Variants in PRSS23 observed in about 807,000 individuals in gnomAD.
PRSS23 encodes serine protease 23.
A neutral mutation model predicts 34.7 loss-of-function variants in PRSS23; 25 were observed. The ratio of observed to expected loss-of-function variants is 0.72; its 90% CI spans 0.53 to 1.01. The LOEUF (loss-of-function observed/expected upper bound fraction) is 1.01, where lower values mean the gene tolerates loss of function less well. Among genes scored for constraint, PRSS23 ranks in the 50% least tolerant of loss-of-function variants. The pLI, the probability that PRSS23 is intolerant of heterozygous loss-of-function variation, is 0.00. For missense variants in PRSS23, 445 were observed against 475.6 expected (o/e 0.94, Z 0.60); for synonymous variants, 176 against 186.6 (o/e 0.94, Z 0.46).
chr11:86,836,640 C>T (rs1237379097), intron 2 of PRSS23, among the ~76,000 whole-genome samples: 1 of 152,032 alleles, frequency 6.6e-6, no homozygotes, highest in Non-Finnish European at 1.5e-5. Flanking sequence ...ACTGGCTGTC[C>T]CAGGACCCCT....
At chr11:86,870,979 T>C (rs1485510376) in intron 2 of PRSS23, among the ~76,000 whole-genome samples, 1 of 152,236 alleles carries the variant, frequency 6.6e-6, no homozygotes, top group Admixed American at 6.5e-5. Context: ...ATCCATGTCA[T>C]CTCTGGGACT....
At chr11:86,799,509 C>T (rs73520713), upstream of PRSS23, among the ~76,000 whole-genome samples, 2,067 of 152,296 alleles carry the variant, frequency 0.014, 45 homozygotes, top group African/African-American at 0.047. Context: ...TCCAAACCTC[C>T]TGTTCCTTAT....
intron 2 of PRSS23, among the ~76,000 whole-genome samples, chr11:86,826,267 G>T (rs2134880994): frequency 6.7e-6 from 1 of 149,876 alleles, no homozygotes; most frequent in Admixed American, 6.6e-5. Context: ...TCACTCATGA[G>T]TTCACTCATG....
chr11:86,860,450 G>C (rs979555831), intron 2 of PRSS23, among the ~76,000 whole-genome samples: 1 of 151,262 alleles, frequency 6.6e-6, no homozygotes, highest in African/African-American at 2.4e-5. Flanking sequence ...CACTGCCCCT[G>C]TGATATTGTT....
chr11:86,832,228 A>G (rs1237468605), intron 2 of PRSS23, among the ~76,000 whole-genome samples: 1 of 152,098 alleles, frequency 6.6e-6, no homozygotes, highest in Admixed American at 6.5e-5. Flanking sequence ...GGTGTACCAC[A>G]TGTGTGAACA....
At chr11:86,838,131 A>G (rs1278018249) in intron 2 of PRSS23, among the ~76,000 whole-genome samples, 1 of 151,478 alleles carries the variant, frequency 6.6e-6, no homozygotes, top group Non-Finnish European at 1.5e-5. Context: ...CATCCAGTAC[A>G]CTTCATGTGT....
upstream of PRSS23, chr11:86,800,318 G>C (rs560850144): frequency 3.2e-3 from 1,306 of 413,020 alleles, 4 homozygotes; most frequent in Non-Finnish European, 3.8e-3. Flanking sequence ...CTGCTGCCGC[G>C]CCACCGGGGC....
At chr11:86,881,758 A>G (rs1948773686) in intron 2 of PRSS23, among the ~76,000 whole-genome samples, 1 of 152,148 alleles carries the variant, frequency 6.6e-6, no homozygotes, top group Non-Finnish European at 1.5e-5. Flanking sequence ...TCTCATTAGT[A>G]ATTCAATCTC....
chr11:86,798,550 G>T (rs1296856417), upstream of PRSS23, among the ~76,000 whole-genome samples: 1 of 152,224 alleles, frequency 6.6e-6, no homozygotes, highest in Non-Finnish European at 1.5e-5. Context: ...TGACGCCTCA[G>T]CTGTCAGTAC....
intron 2 of PRSS23, among the ~76,000 whole-genome samples, chr11:86,890,209 G>T (rs1403901298): frequency 2.0e-5 from 3 of 151,966 alleles, no homozygotes; most frequent in African/African-American, 7.3e-5. Flanking sequence ...GGCGGACATC[G>T]CAGTGAGCTG....
intron 2 of PRSS23, among the ~76,000 whole-genome samples, chr11:86,864,471 C>T (rs1003118672): frequency 1.3e-5 from 2 of 152,192 alleles, no homozygotes; most frequent in Non-Finnish European, 2.9e-5. Flanking sequence ...CCAGTGGTGG[C>T]CAATGACAAT....
At chr11:86,796,513 C>T (rs1484726414), upstream of PRSS23, among the ~76,000 whole-genome samples, 5 of 151,128 alleles carry the variant, frequency 3.3e-5, no homozygotes, top group Non-Finnish European at 7.4e-5. Context: ...TGGTAGCGGG[C>T]GCCTGTAGTC....
At chr11:86,905,481 G>C (rs1001691552) in intron 2 of PRSS23, among the ~76,000 whole-genome samples, 17 of 152,056 alleles carry the variant, frequency 1.1e-4, no homozygotes, top group African/African-American at 4.1e-4. Flanking sequence ...GCCACAAGCA[G>C]ACACAAAATA....
Position 86,856,640 on chromosome 11 carries a change from A to G in PRSS23, c.206+33047A>G, listed in dbSNP as rs577173610. 1.2e-3 allele frequency among the ~76,000 whole-genome samples: 176 copies of G among 152,350 alleles called. 1 individual carries two copies. Among genetic ancestry groups the G allele is most frequent in the African/African-American group, 4.0e-3 (167 of 41,584 alleles). The stretch of plus-strand genomic sequence containing the variant: ...AAATTATGTATAGTGAAACCAAGGT[A>G]TTCCTCATCAACACTATAACTAAAC... On this transcript the variant is annotated intron_variant, in intron 2 of 2. Coordinates refer to the PRSS23 transcript ENST00000533902.
chr11:86,834,248 AT>A (rs1727316127), intron 2 of PRSS23, among the ~76,000 whole-genome samples: 1 of 152,154 alleles, frequency 6.6e-6, no homozygotes. Flanking sequence ...TAAGTGAAAG[AT>A]TTGGTGAAGG....
At chr11:86,927,313 C>G (rs778519247) in intron 2 of PRSS23, among the ~76,000 whole-genome samples, 5 of 152,148 alleles carry the variant, frequency 3.3e-5, no homozygotes, top group Non-Finnish European at 5.9e-5. Context: ...CAGCTAATAT[C>G]AGAGCTAAAA....
intron 2 of PRSS23, among the ~76,000 whole-genome samples, chr11:86,842,331 G>C (rs1948454716): frequency 6.6e-6 from 1 of 152,158 alleles, no homozygotes; most frequent in Admixed American, 6.5e-5. Flanking sequence ...ATATCATACT[G>C]AATGGGCAAC....
At position 86,822,445 on chromosome 11, in the gene PRSS23, A is replaced by G. The variant is rs547600559; in HGVS notation, c.-11-932A>G. On this transcript the variant is annotated intron_variant, in intron 1 of 2. Coordinates refer to the PRSS23 transcript ENST00000533902. ...AGACCAGCCTGGGCCACATAGTGAG[A>G]CCTCGTCTCAACACAACATCGAAAA... Among the ~76,000 whole-genome samples, 10 of 152,028 alleles carry G rather than the reference A, an allele frequency of 6.6e-5. No homozygotes were observed. The South Asian group carries it at 1.5e-3, about 22-fold the overall frequency.
chr11:86,843,855 G>A (rs769833342), intron 2 of PRSS23, among the ~76,000 whole-genome samples: 2 of 152,182 alleles, frequency 1.3e-5, no homozygotes, highest in Non-Finnish European at 2.9e-5. Flanking sequence ...AGACAGTGTG[G>A]CAATTCCTCA....
Sources: gnomAD v4.1 joint callset for allele counts (sites outside exome capture counted in the v4.1 genomes callset) on GRCh38, gnomAD v4.1.1 for gene constraint, MANE v1.5 for transcripts, NCBI Gene and HGNC (gene_info 2026-07-23, HGNC 2026-07-21) for gene names.